Variants in FAM83A observed in about 807,000 individuals in gnomAD.
FAM83A encodes the protein protein FAM83A.
A neutral mutation model predicts 24.4 loss-of-function variants in FAM83A; 21 were observed. That is an observed-to-expected ratio of 0.86 (90% CI 0.61 to 1.24). The LOEUF (loss-of-function observed/expected upper bound fraction) is 1.24, where lower values mean the gene tolerates loss of function less well. Among genes scored for constraint, FAM83A ranks in the 50% most tolerant of loss-of-function variants. FAM83A has a pLI of 0.00. For synonymous variants in FAM83A, 270 were observed against 252.4 expected (o/e 1.07, Z -0.66); for missense variants, 617 against 579.8 (o/e 1.06, Z -0.66).
At chr8:123,203,586 C>CAAAAAAAAAAA (rs1187426797) in intron 3 of FAM83A, among the ~76,000 whole-genome samples, 1 of 41,176 alleles carries the variant, frequency 2.4e-5, no homozygotes, top group African/African-American at 7.1e-5. Context: ...AGATCTGTCT[C>CAAAAAAAAAAA]AAAAAAAAAA....
chr8:123,181,434 G>T (rs537727694), upstream of FAM83A, among the ~76,000 whole-genome samples: 2 of 152,254 alleles, frequency 1.3e-5, no homozygotes, highest in Admixed American at 1.3e-4. Context: ...TGTCGTCCCT[G>T]AGCAGATAGC....
upstream of FAM83A, chr8:123,181,766 A>G (rs1033830809): frequency 9.7e-6 from 3 of 307,982 alleles, no homozygotes; most frequent in African/African-American, 6.5e-5. Context: ...CTGCTCCTCA[A>G]CTTCACCTGG....
chr8:123,181,108 G>A (rs568470416), upstream of FAM83A, among the ~76,000 whole-genome samples: 46 of 152,084 alleles, frequency 3.0e-4, no homozygotes, highest in African/African-American at 9.6e-4. Flanking sequence ...CACCAGGCCC[G>A]GCTAATTTTT....
chr8:123,194,215 G>C (rs181515169), intron 3 of FAM83A, 67 bp downstream of exon 3: 3 of 1,585,054 alleles, frequency 1.9e-6, no homozygotes, highest in African/African-American at 2.7e-5. Context: ...GTGCAGACCA[G>C]CTCCCGCTGC....
intron 3 of FAM83A, among the ~76,000 whole-genome samples, chr8:123,205,710 G>A (rs1824528277): frequency 6.6e-6 from 1 of 151,986 alleles, no homozygotes; most frequent in Non-Finnish European, 1.5e-5. Context: ...CTTGCTTCAA[G>A]TTCACCTGAG....
chr8:123,208,835 C>T (rs1252371846), exon 4 of FAM83A: 10 of 933,456 alleles, frequency 1.1e-5, no homozygotes, highest in Non-Finnish European at 1.1e-5. Flanking sequence ...GGTGAAACCC[C>T]GTCTCTACTA....
At chr8:123,193,707 A>G (rs1824052194) in intron 2 of FAM83A, among the ~76,000 whole-genome samples, 1 of 152,230 alleles carries the variant, frequency 6.6e-6, no homozygotes, top group Admixed American at 6.5e-5. Flanking sequence ...CTCCAAGATC[A>G]ACGTTCTGGC....
upstream of FAM83A, chr8:123,182,280 G>C: frequency 2.7e-6 from 1 of 376,468 alleles, no homozygotes; most frequent in Admixed American, 3.0e-5. Context: ...AGCTCTCCCT[G>C]GCCCGTGTCC....
At chr8:123,207,985 G>C (rs140608350) in exon 4 of FAM83A, 117 of 1,192,314 alleles carry the variant, frequency 9.8e-5, no homozygotes, top group Non-Finnish European at 1.2e-4. Flanking sequence ...GAGATCATCC[G>C]GGGCTTTAAT....
rs146383098 is a variant in FAM83A at position 123,196,232 on chromosome 8, G to A, written c.773+2084G>A. Among the ~76,000 whole-genome samples the A allele has an allele frequency of 1.7e-3, 257 of 152,220 alleles. 1 individual carries two copies. Among genetic ancestry groups the A allele is most frequent in the African/African-American group, 5.9e-3 (247 of 41,540 alleles). ...TTGCCATGATGGCCATACTGGTCTC[G>A]AACTACTGACCTCAGATGATCCACC... On this transcript the variant is annotated intron_variant, in intron 3 of 3. Coordinates refer to ENST00000690554, the Ensembl canonical transcript of FAM83A.
intron 1 of FAM83A, among the ~76,000 whole-genome samples, chr8:123,190,554 C>G (rs901755595): frequency 1.3e-5 from 2 of 152,112 alleles, no homozygotes; most frequent in African/African-American, 4.8e-5. Context: ...CGTGAGCCAC[C>G]GCGCCCGGCA....
intron 1 of FAM83A, among the ~76,000 whole-genome samples, chr8:123,189,837 G>T (rs775694756): frequency 2.6e-5 from 4 of 152,108 alleles, no homozygotes; most frequent in African/African-American, 9.7e-5. Context: ...GGCACATGTC[G>T]TCAGGACTTC....
In FAM83A at chr8:123,208,824, T is replaced by A. The variant is rs889512814; in HGVS notation, c.*1136T>A. 2.0e-5 allele frequency: 19 copies of A among 933,930 alleles called. No individual in the cohort carries two copies. In the Admixed American group the frequency reaches 2.5e-4, roughly 12 times the overall value. 57.9% of individuals were successfully genotyped at this position (933,930 alleles called of 1,614,324 possible). A position where few individuals can be genotyped will look rare whatever the true frequency, so the allele number is the denominator to read the frequency against. On this transcript the variant is annotated 3_prime_UTR_variant, in exon 4 of 4. Transcript: ENST00000690554. ...GGTCTCGAGACCAGCCTGACCAATA[T>A]GGTGAAACCCCGTCTCTACTAAAAA...
At chr8:123,197,117 G>A (rs1016125838) in intron 3 of FAM83A, among the ~76,000 whole-genome samples, 9 of 152,272 alleles carry the variant, frequency 5.9e-5, no homozygotes, top group Admixed American at 5.2e-4. Context: ...CTGGGGCAGG[G>A]GTGGCAGAAG....
chr8:123,194,251 C>T, intron 3 of FAM83A, 103 bp downstream of exon 3: 5 of 1,500,784 alleles, frequency 3.3e-6, no homozygotes, highest in Non-Finnish European at 4.5e-6. Flanking sequence ...CCCAGCAGCT[C>T]CCAGAAGGTC....
intron 3 of FAM83A, among the ~76,000 whole-genome samples, chr8:123,205,467 G>T (rs1824517823): frequency 6.6e-6 from 1 of 152,218 alleles, no homozygotes; most frequent in South Asian, 2.1e-4. Context: ...CCGGCGGGAG[G>T]TGAGATTTAA....
intron 3 of FAM83A, among the ~76,000 whole-genome samples, chr8:123,198,293 A>G (rs1029375407): frequency 5.3e-5 from 8 of 152,272 alleles, no homozygotes; most frequent in Admixed American, 3.3e-4. Context: ...CCCTCCCAGG[A>G]CCCACTAGCT....
At chr8:123,180,355 C>T, upstream of FAM83A, 1 of 152,192 alleles carries the variant, frequency 6.6e-6, no homozygotes, top group Non-Finnish European at 1.5e-5. Context: ...AAGATAACAA[C>T]CATCTTCAAT....
chr8:123,186,744 C>T (rs781541243), intron 1 of FAM83A, among the ~76,000 whole-genome samples: 37 of 152,288 alleles, frequency 2.4e-4, no homozygotes, highest in African/African-American at 3.4e-4. Context: ...TCAGGAGAAT[C>T]GCTTGAACCT....
Sources: allele counts gnomAD v4.1 joint callset (sites outside exome capture counted in the v4.1 genomes callset), GRCh38; gene constraint gnomAD v4.1.1; transcripts MANE v1.5; gene names NCBI Gene and HGNC (gene_info 2026-07-23, HGNC 2026-07-21).